The following SORCS3 variants were observed in gnomAD, a reference collection of about 807,000 sequenced individuals.
SORCS3 encodes VPS10 domain-containing receptor SorCS3.
In SORCS3, 57 loss-of-function variants were observed where a neutral mutation model predicts 146.3. The observed-to-expected ratio is 0.39, with a 90% confidence interval of 0.31 to 0.49. The LOEUF is 0.49. Ranked by LOEUF, SORCS3 falls within the 20% of genes least tolerant of loss-of-function variation. SORCS3 has a pLI of 0.92. For synonymous variants in SORCS3, 653 were observed against 618.5 expected, an observed-to-expected ratio of 1.06 and a Z score of -0.83; for missense variants, 1,341 against 1,575.5, an observed-to-expected ratio of 0.85 and a Z score of 2.52.
intron 1 of SORCS3, among the ~76,000 whole-genome samples, chr10:104,726,382 T>G (rs2016634026): frequency 6.6e-6 from 1 of 152,176 alleles, no homozygotes; most frequent in Admixed American, 6.5e-5. Context: ...GCAATCAGTT[T>G]TTGCTTGGAA....
At chr10:104,746,383 G>A (rs1013216413) in intron 1 of SORCS3, among the ~76,000 whole-genome samples, 30 of 152,246 alleles carry the variant, frequency 2.0e-4, no homozygotes, top group African/African-American at 4.6e-4. Flanking sequence ...TGATCCGCCC[G>A]CCTTGGCCTC....
chr10:104,912,302 T>C (rs2018977138), intron 2 of SORCS3, among the ~76,000 whole-genome samples: 1 of 152,214 alleles, frequency 6.6e-6, no homozygotes, highest in Admixed American at 6.5e-5. Flanking sequence ...TTCAAGAGTG[T>C]AGAATTAAGA....
At chr10:105,246,193 T>C (rs1407292723) in intron 21 of SORCS3, among the ~76,000 whole-genome samples, 2 of 152,206 alleles carry the variant, frequency 1.3e-5, no homozygotes, top group Non-Finnish European at 2.9e-5. Context: ...ATAGGACTAC[T>C]ATCCTGTTCT....
chr10:104,734,495 G>C (rs550724720), intron 1 of SORCS3, among the ~76,000 whole-genome samples: 16 of 152,368 alleles, frequency 1.1e-4, no homozygotes, highest in African/African-American at 3.8e-4. Flanking sequence ...CCAAGTATCT[G>C]TTTCTCCCTG....
intron 4 of SORCS3, among the ~76,000 whole-genome samples, chr10:105,025,906 A>G (rs1272292884): frequency 2.0e-5 from 3 of 150,188 alleles, no homozygotes; most frequent in African/African-American, 7.4e-5. Flanking sequence ...AATGCATGCA[A>G]ATCTTGACAC....
chr10:104,853,964 G>A (rs1015380295), intron 2 of SORCS3, among the ~76,000 whole-genome samples: 1 of 152,266 alleles, frequency 6.6e-6, no homozygotes, highest in South Asian at 2.1e-4. Context: ...GGTGGATGAT[G>A]AACCCGAGAT....
intron 4 of SORCS3, among the ~76,000 whole-genome samples, chr10:105,028,648 AT>A (rs1280278792): frequency 2.0e-5 from 3 of 152,142 alleles, no homozygotes; most frequent in Non-Finnish European, 4.4e-5. Flanking sequence ...CCAAAACTTT[AT>A]TTTTTTGTAC....
intron 3 of SORCS3, among the ~76,000 whole-genome samples, chr10:104,947,547 A>G (rs2019385051): frequency 6.6e-6 from 1 of 152,168 alleles, no homozygotes; most frequent in Non-Finnish European, 1.5e-5. Flanking sequence ...TCATCCGCGC[A>G]GGCTCAGAGA....
At chr10:105,067,010 C>T (rs1344151494) in intron 5 of SORCS3, among the ~76,000 whole-genome samples, 1 of 152,168 alleles carries the variant, frequency 6.6e-6, no homozygotes, top group African/African-American at 2.4e-5. Flanking sequence ...TTTCCAGGTA[C>T]ACTTTTAATC....
At chr10:104,953,461 G>A (rs576036486) in intron 3 of SORCS3, among the ~76,000 whole-genome samples, 1 of 152,208 alleles carries the variant, frequency 6.6e-6, no homozygotes, top group African/African-American at 2.4e-5. Context: ...GTAGATTCAG[G>A]ACTTTGCTCT....
intron 2 of SORCS3, among the ~76,000 whole-genome samples, chr10:104,886,514 C>T (rs948435352): frequency 2.6e-5 from 4 of 151,898 alleles, no homozygotes; most frequent in African/African-American, 7.2e-5. Flanking sequence ...TAATACATTA[C>T]GTAAAATATA....
At chr10:105,016,134 AATATAT>A (rs1355412638) in intron 4 of SORCS3, among the ~76,000 whole-genome samples, 1 of 113,694 alleles carries the variant, frequency 8.8e-6, no homozygotes, top group Non-Finnish European at 1.7e-5. Context: ...ATATTATATA[AATATAT>A]ATATATATAT....
Position 104,720,656 on chromosome 10 carries a change from A to C in SORCS3, c.627+78702A>C, listed in dbSNP as rs527937554. ...GCACCTGTTGTTTCCTGACTTTTTA[A>C]TGATCGCCCTTCTAACTGGTGTGAG... On this transcript the variant is annotated intron_variant, in intron 1 of 26. Transcript: ENST00000369701. Among the ~76,000 whole-genome samples the C allele has an allele frequency of 9.2e-5, 14 of 152,254 alleles. No individual in the cohort carries two copies. The South Asian group carries it at 1.0e-3, about 11-fold the overall frequency.
At chr10:105,156,731 A>G (rs1248891655) in intron 9 of SORCS3, among the ~76,000 whole-genome samples, 1 of 152,168 alleles carries the variant, frequency 6.6e-6, no homozygotes, top group Non-Finnish European at 1.5e-5. Context: ...CTCAACTTCC[A>G]TTGTTATGAA....
intron 14 of SORCS3, among the ~76,000 whole-genome samples, chr10:105,180,710 A>G (rs921532820): frequency 5.3e-5 from 8 of 151,748 alleles, no homozygotes; most frequent in African/African-American, 1.9e-4. Flanking sequence ...TTTTTCTCCA[A>G]CCTCCCTGAC....
chr10:105,161,984 G>T (rs1319829959), intron 11 of SORCS3, among the ~76,000 whole-genome samples: 1 of 151,810 alleles, frequency 6.6e-6, no homozygotes, highest in Non-Finnish European at 1.5e-5. Flanking sequence ...TGTTCTTTCT[G>T]TGGAGGCCCT....
intron 1 of SORCS3, among the ~76,000 whole-genome samples, chr10:104,747,087 C>T (rs2016920043): frequency 6.6e-6 from 1 of 152,220 alleles, no homozygotes; most frequent in Non-Finnish European, 1.5e-5. Flanking sequence ...TGGCTCACTT[C>T]CTTCAAGTGG....
intron 5 of SORCS3, among the ~76,000 whole-genome samples, chr10:105,075,326 G>A (rs1357784479): frequency 2.0e-5 from 3 of 152,160 alleles, no homozygotes; most frequent in African/African-American, 7.2e-5. Context: ...TGTGGAATGG[G>A]AGCAATGATG....
chr10:104,799,738 C>T (rs1028266264), intron 1 of SORCS3, among the ~76,000 whole-genome samples: 3 of 151,840 alleles, frequency 2.0e-5, no homozygotes, highest in South Asian at 4.2e-4. Flanking sequence ...TGCAGTGGTG[C>T]GATCTTGGCT....
Sources: gnomAD v4.1 joint callset for allele counts (sites outside exome capture counted in the v4.1 genomes callset) on GRCh38, gnomAD v4.1.1 for gene constraint, MANE v1.5 for transcripts, NCBI Gene and HGNC (gene_info 2026-07-23, HGNC 2026-07-21) for gene names.